RHD: variants seen among roughly 807,000 people sequenced by gnomAD.
The protein encoded by RHD is Rh blood group D antigen.
Under a neutral mutation model 45.5 loss-of-function variants are expected in RHD, and 16 were observed. The observed-to-expected ratio is 0.35, with a 90% CI of 0.24 to 0.53. The LOEUF is 0.53. Among genes scored for constraint, RHD ranks in the 20% least tolerant of loss-of-function variants. RHD has a pLI of 0.92. For missense variants in RHD, 306 were observed against 532.0 expected, an observed-to-expected ratio of 0.58 and a Z score of 4.18; for synonymous variants, 131 against 217.5, an observed-to-expected ratio of 0.60 and a Z score of 3.50.
At position 25,272,590 on chromosome 1, in the gene RHD, C is replaced by T; in HGVS notation, c.43C>T (p.Leu15Phe). The change falls in exon 1 of 10, where the codon CTC (leucine) becomes TTC (phenylalanine). Residue 15 changes from leucine (L) to phenylalanine (F), a missense_variant. Coordinates refer to ENST00000328664, the MANE Select transcript of RHD (RefSeq NM_016124.6). ...YPRSVRRCLPLWALTLEAALI... is the reference protein window; with the variant it reads ...YPRSVRRCLPFWALTLEAALI... ...GCGGTCTGTCCGGCGCTGCCTGCCC[C>T]TCTGGGCCCTAACACTGGAAGCAGC... The T allele has an allele frequency of 1.3e-6, 2 of 1,583,970 alleles. No individual in the cohort carries two copies. The highest frequency in any genetic ancestry group is 1.7e-6 in the Non-Finnish European group (2 of 1,158,492).
rs563523548 is a variant in RHD at position 25,301,856 on chromosome 1, T to G, written c.801+170T>G. Among the ~76,000 whole-genome samples the G allele has an allele frequency of 2.5e-3, 330 of 131,834 alleles. 53 individuals are homozygous for G. Among genetic ancestry groups the G allele is most frequent in the African/African-American group, 3.5e-3 (134 of 38,336 alleles). 86.5% of individuals were successfully genotyped at this position (131,834 alleles called of 152,430 possible). A position where few individuals can be genotyped will look rare whatever the true frequency, so the allele number is the denominator to read the frequency against. On this transcript the variant is annotated intron_variant, in intron 5 of 9. Transcript: ENST00000328664. ...TAGGTAGAATGCTGGGTGGTCACAGTGGGCCTGGGACTCAGGAGACTGTCC... is the reference window on the plus strand; with the variant it reads ...TAGGTAGAATGCTGGGTGGTCACAGGGGGCCTGGGACTCAGGAGACTGTCC...
chr1:25,321,145 T>A (rs1169869966), intron 8 of RHD, among the ~76,000 whole-genome samples: 3 of 130,518 alleles, frequency 2.3e-5, no homozygotes, highest in Non-Finnish European at 5.4e-5. Context: ...ACAAGTGGAA[T>A]CTTAAGCTGA....
chr1:25,321,772 G>T, intron 8 of RHD, 117 bp from the exon 9 acceptor site: 2 of 517,948 alleles, frequency 3.9e-6, no homozygotes, highest in East Asian at 2.8e-5. Context: ...TTCAATTGTG[G>T]GAGAAAAAGG....
At chr1:25,312,921 A>T (rs1385768946) in intron 7 of RHD, among the ~76,000 whole-genome samples, 16 of 42,774 alleles carry the variant, frequency 3.7e-4, no homozygotes, top group Non-Finnish European at 4.9e-4. Flanking sequence ...TCCCATCTCT[A>T]AAAAAAAAAA....
Position 25,306,655 on chromosome 1 carries a change from C to T in RHD, c.999C>T (p.Ser333=). 1.5e-6 allele frequency: 2 copies of T among 1,378,650 alleles called. No individual in the cohort carries two copies. Among genetic ancestry groups the T allele is most frequent in the East Asian group, 2.2e-5 (1 of 44,636 alleles). The allele number at this position is 1,378,650 out of a possible 1,614,324, so 85.4% of individuals were successfully genotyped here. ...GCTCCATCATGGGCTACAACTTCAG[C>T]TTGCTGGGTCTGCTTGGAGAGATCA... The part of the protein sequence containing the change: ...PHSSIMGYNF[S]LLGLLGEIIY... The change falls in exon 7 of 10, where the codon AGC becomes AGT. Residue 333 remains serine (S), a synonymous_variant. Transcript: ENST00000328664.
At position 25,329,030 on chromosome 1, in the gene RHD, A is replaced by G. The variant is rs771932822; in HGVS notation, c.*106A>G. 4.4e-6 allele frequency: 6 copies of G among 1,377,970 alleles called. 2 individuals carry two copies. Among genetic ancestry groups the G allele is most frequent in the African/African-American group, 1.4e-5 (1 of 70,808 alleles). The allele number at this position is 1,377,970 out of a possible 1,614,324, so 85.4% of individuals were successfully genotyped here. A position where few individuals can be genotyped will look rare whatever the true frequency, so the allele number is the denominator to read the frequency against. On this transcript the variant is annotated 3_prime_UTR_variant, in exon 10 of 10. Coordinates refer to ENST00000328664, the MANE Select transcript of RHD (RefSeq NM_016124.6). The stretch of plus-strand genomic sequence containing the variant: ...AACGCTCATGACAGCAAAGTCTCCA[A>G]TGTTCGCGCAGGCACTGGAGTCAGA...
chr1:25,299,705 C>T (rs568036567), intron 3 of RHD, among the ~76,000 whole-genome samples: 7 of 132,380 alleles, frequency 5.3e-5, no homozygotes, highest in Non-Finnish European at 8.9e-5. Flanking sequence ...ACATGGGAGC[C>T]GCTGGAGGCT....
At position 25,305,737 on chromosome 1, in the gene RHD, T is replaced by A. The variant is rs1448380741; in HGVS notation, c.940-859T>A. Among the ~76,000 whole-genome samples, 3 of 128,832 alleles carry A rather than the reference T, an allele frequency of 2.3e-5. 1 individual carries two copies. Among genetic ancestry groups the A allele is most frequent in the East Asian group, 2.0e-4 (1 of 5,060 alleles). The allele number at this position is 128,832 out of a possible 152,430, so 84.5% of individuals were successfully genotyped here. ...TGCCTCAGCCTCCTGAGTAGCTGGG[T>A]CTACAGGCGCCCACCACCACGCCCA... On this transcript the variant is annotated intron_variant, in intron 6 of 9. Transcript: ENST00000328664.
At chr1:25,315,163 ATT>A (rs1459885737) in intron 7 of RHD, among the ~76,000 whole-genome samples, 1 of 129,290 alleles carries the variant, frequency 7.7e-6, no homozygotes, top group Admixed American at 7.6e-5. Context: ...TCAAAAAAAA[ATT>A]TTTTTTGCAA....
Position 25,287,696 on chromosome 1 carries a change from G to A in RHD, c.335+2937G>A, listed in dbSNP as rs184859715. On this transcript the variant is annotated intron_variant, in intron 2 of 9. Coordinates refer to ENST00000328664, the MANE Select transcript of RHD (RefSeq NM_016124.6). The stretch of plus-strand genomic sequence containing the variant: ...TATTGGAGCAAAAATGAAAATAAAC[G>A]GAACTCTGAAGTGGGATGTTTTAAA... 1.0e-4 allele frequency among the ~76,000 whole-genome samples: 14 copies of A among 135,594 alleles called. 2 individuals are homozygous for A. Among genetic ancestry groups the A allele is most frequent in the East Asian group, 7.7e-4 (4 of 5,168 alleles). 89.0% of individuals were successfully genotyped at this position (135,594 alleles called of 152,430 possible).
chr1:25,301,360 A>G lies in RHD; in HGVS notation c.635-160A>G, dbSNP rs1406218947. On this transcript the variant is annotated intron_variant, in intron 4 of 9. Transcript: ENST00000328664. Reference sequence around the variant, plus strand: ...TGTCTGTAAAATGTGGTTAGCTGGTATCAGCTTGAGAGCTCGGAGGGGAGA... The same window carrying G: ...TGTCTGTAAAATGTGGTTAGCTGGTGTCAGCTTGAGAGCTCGGAGGGGAGA... 1.5e-5 allele frequency among the ~76,000 whole-genome samples: 2 copies of G among 129,842 alleles called. 1 individual carries two copies. The highest frequency in any genetic ancestry group is 4.7e-4 in the South Asian group (2 of 4,214). 85.2% of individuals were successfully genotyped at this position (129,842 alleles called of 152,430 possible).
rs1481359528 is a variant in RHD, at chr1:25,290,532, G to T, written c.336-109G>T. On this transcript the variant is annotated intron_variant, in intron 2 of 9. Coordinates refer to ENST00000328664, the MANE Select transcript of RHD (RefSeq NM_016124.6). ...TGTCTTCTATTCCCACAGAAAGTAG[G>T]TGCCCAACAGTGTTTGTTGAAAGAA... The T allele has an allele frequency of 7.1e-6, 7 of 979,940 alleles. 1 individual carries two copies. The highest frequency in any genetic ancestry group is 1.1e-5 in the Non-Finnish European group (7 of 627,632). 60.7% of individuals were successfully genotyped at this position (979,940 alleles called of 1,614,324 possible).
chr1:25,299,180 G>C lies in RHD; in HGVS notation c.487-1766G>C, dbSNP rs1406273672. On this transcript the variant is annotated intron_variant, in intron 3 of 9. Coordinates refer to ENST00000328664, the MANE Select transcript of RHD (RefSeq NM_016124.6). ...ATGGATCACTTGAGGTCAGGAGTTC[G>C]AGACCAGGCTGGGGAACATGGTGAA... Among the ~76,000 whole-genome samples, 2 of 127,296 alleles carry C rather than the reference G, an allele frequency of 1.6e-5. 1 individual carries two copies. Among genetic ancestry groups the C allele is most frequent in the Non-Finnish European group, 3.7e-5 (2 of 54,352 alleles). 83.5% of individuals were successfully genotyped at this position (127,296 alleles called of 152,430 possible). A position where few individuals can be genotyped will look rare whatever the true frequency, so the allele number is the denominator to read the frequency against.
chr1:25,301,391 C>T, intron 4 of RHD, 129 bp from the exon 5 acceptor site: 1 of 911,098 alleles, frequency 1.1e-6, no homozygotes, highest in Non-Finnish European at 1.7e-6. Context: ...GGAGACGTGA[C>T]TTCCCCATCT....
chr1:25,289,250 A>G (rs1571621702), intron 2 of RHD, among the ~76,000 whole-genome samples: 2 of 132,722 alleles, frequency 1.5e-5, no homozygotes. Flanking sequence ...GCTGGAGTGC[A>G]GTGGTGCAGT....
Position 25,308,831 on chromosome 1 carries a change from C to T in RHD, c.1073+2102C>T, listed in dbSNP as rs1220697434. Among the ~76,000 whole-genome samples the T allele has an allele frequency of 2.3e-5, 3 of 130,388 alleles. 1 individual carries two copies. The highest frequency in any genetic ancestry group is 5.4e-5 in the Non-Finnish European group (3 of 55,320). 85.5% of individuals were successfully genotyped at this position (130,388 alleles called of 152,430 possible). On this transcript the variant is annotated intron_variant, in intron 7 of 9. Coordinates refer to ENST00000328664, the MANE Select transcript of RHD (RefSeq NM_016124.6). The stretch of plus-strand genomic sequence containing the variant: ...TCTTTGGTTTGCTGAGAGTAAAAGG[C>T]GTGGGCTTCACCAGTGGTGAAGCCA...
In RHD at chr1:25,273,285, A is replaced by G. The variant is rs1233988033; in HGVS notation, c.148+590A>G. Among the ~76,000 whole-genome samples, 7 of 118,218 alleles carry G rather than the reference A, an allele frequency of 5.9e-5. 1 individual carries two copies. In the East Asian group the frequency reaches 6.0e-4, roughly 10 times the overall value. 77.6% of individuals were successfully genotyped at this position (118,218 alleles called of 152,430 possible). A position where few individuals can be genotyped will look rare whatever the true frequency, so the allele number is the denominator to read the frequency against. On this transcript the variant is annotated intron_variant, in intron 1 of 9. Coordinates refer to ENST00000328664, the MANE Select transcript of RHD (RefSeq NM_016124.6). ...CAAGAAGCTGGGACCACAGGAGGGC[A>G]CCACCATGCCTGGCTAATTTTTTTT...
Position 25,321,782 on chromosome 1 carries a change from G to C in RHD, c.1154-107G>C. 3 of 571,548 alleles carry C rather than the reference G, an allele frequency of 5.2e-6. 1 individual carries two copies. The highest frequency in any genetic ancestry group is 1.0e-5 in the Non-Finnish European group (3 of 301,366). 35.4% of individuals were successfully genotyped at this position (571,548 alleles called of 1,614,324 possible). ...TGTCTTTCAATTGTGGGAGAAAAAG[G>C]ATTTCTGTTGAGATACTGTCGTTTT... is the stretch of plus-strand genomic sequence containing the variant. On this transcript the variant is annotated intron_variant, in intron 8 of 9. Coordinates refer to ENST00000328664, the MANE Select transcript of RHD (RefSeq NM_016124.6).
intron 7 of RHD, among the ~76,000 whole-genome samples, chr1:25,311,952 G>A (rs183983740): frequency 3.9e-5 from 5 of 129,634 alleles, no homozygotes; most frequent in African/African-American, 1.1e-4. Context: ...AGGGTCTAGT[G>A]GAGCTACAAG....
Sources: allele counts gnomAD v4.1 joint callset (sites outside exome capture counted in the v4.1 genomes callset), GRCh38; gene constraint gnomAD v4.1.1; transcripts MANE v1.5; gene names NCBI Gene and HGNC (gene_info 2026-07-23, HGNC 2026-07-21).